GAS2: variants seen among roughly 807,000 people sequenced by gnomAD.
GAS2 encodes the protein growth arrest specific 2, also known as growth arrest-specific protein 2.
Under a neutral mutation model 37.5 loss-of-function variants are expected in GAS2, and 20 were observed. The observed-to-expected ratio is 0.53, with a 90% CI of 0.37 to 0.77. The LOEUF is 0.77. Ranked by LOEUF, GAS2 falls within the 30% of genes least tolerant of loss-of-function variation. GAS2 has a pLI of 0.00. For synonymous variants in GAS2, 144 were observed against 132.2 expected (o/e 1.09, Z -0.61); for missense variants, 336 against 373.4 (o/e 0.90, Z 0.82).
chr11:22,693,974 G>A (rs920208359), intron 3 of GAS2, among the ~76,000 whole-genome samples: 2 of 152,088 alleles, frequency 1.3e-5, no homozygotes, highest in African/African-American at 2.4e-5. Flanking sequence ...AGAACCCATG[G>A]ACACATACAG....
At chr11:22,801,350 A>G (rs1477284262) in intron 7 of GAS2, among the ~76,000 whole-genome samples, 2 of 152,100 alleles carry the variant, frequency 1.3e-5, no homozygotes, top group African/African-American at 2.4e-5. Context: ...TTCTAAGTTA[A>G]CATGGGAAAG....
chr11:22,740,538 A>C (rs1460195832), intron 5 of GAS2, among the ~76,000 whole-genome samples: 10 of 152,212 alleles, frequency 6.6e-5, no homozygotes, highest in Non-Finnish European at 1.5e-4. Flanking sequence ...TAAATAGTTG[A>C]ATACCAGTAG....
At chr11:22,635,958 A>T (rs1361982028) in intron 1 of GAS2, among the ~76,000 whole-genome samples, 1 of 151,660 alleles carries the variant, frequency 6.6e-6, no homozygotes, top group East Asian at 1.9e-4. Context: ...CACCACTCAC[A>T]CTCTGGGGAC....
At chr11:22,672,126 C>T (rs1849230337) in intron 1 of GAS2, among the ~76,000 whole-genome samples, 1 of 152,084 alleles carries the variant, frequency 6.6e-6, no homozygotes, top group Middle Eastern at 3.2e-3. Context: ...ACTTCTATTG[C>T]ATGTTAATTA....
chr11:22,785,815 G>A (rs1855792636), intron 7 of GAS2, among the ~76,000 whole-genome samples: 1 of 151,718 alleles, frequency 6.6e-6, no homozygotes. Flanking sequence ...GACAAAAACT[G>A]TAAACATAGA....
At chr11:22,764,436 T>A (rs1854565638) in intron 7 of GAS2, among the ~76,000 whole-genome samples, 1 of 151,694 alleles carries the variant, frequency 6.6e-6, no homozygotes, top group Non-Finnish European at 1.5e-5. Flanking sequence ...GGCAGGCGAC[T>A]GTAGTCCCCG....
chr11:22,666,768 G>A lies in GAS2; in HGVS notation c.-152G>A, dbSNP rs1848995041. ...CTGTAGCTGCTGCCGCTGCCGCCAG[G>A]CTGGTGGGGTGCGGGGAGCGGCTGC... On this transcript the variant is annotated 5_prime_UTR_variant, in exon 1 of 8. Coordinates refer to ENST00000454584, the MANE Select transcript of GAS2 (RefSeq NM_001143830.3). 6.6e-6 allele frequency: 1 copy of A among 152,600 alleles called. No individual in the cohort carries two copies. The highest frequency in any genetic ancestry group is 6.5e-5 in the Admixed American group (1 of 15,300). The allele number at this position is 152,600 out of a possible 1,614,324, so 9.5% of individuals were successfully genotyped here.
intron 7 of GAS2, among the ~76,000 whole-genome samples, chr11:22,769,745 C>T (rs1263872277): frequency 6.6e-6 from 1 of 152,158 alleles, no homozygotes; most frequent in Non-Finnish European, 1.5e-5. Context: ...AAACTGTCTC[C>T]TTGTGAGTTT....
At chr11:22,699,109 G>A (rs1850695362) in intron 3 of GAS2, among the ~76,000 whole-genome samples, 1 of 152,086 alleles carries the variant, frequency 6.6e-6, no homozygotes. Flanking sequence ...CCACAGTTGT[G>A]TTCCATTATC....
At position 22,749,875 on chromosome 11, in the gene GAS2, C is replaced by T. The variant is rs559270009; in HGVS notation, c.615+614C>T. Among the ~76,000 whole-genome samples the T allele has an allele frequency of 3.5e-3, 527 of 151,966 alleles. 3 individuals are homozygous for T. Among genetic ancestry groups the T allele is most frequent in the African/African-American group, 0.012 (489 of 41,462 alleles). On this transcript the variant is annotated intron_variant, in intron 6 of 7. Transcript: ENST00000454584. ...ATGTTTTAACAGAATCACAGTAAAC[C>T]GTTTTTAGGTATAACAGCAAACATG...
intron 6 of GAS2, among the ~76,000 whole-genome samples, chr11:22,752,994 G>A (rs1853829330): frequency 6.6e-6 from 1 of 152,074 alleles, no homozygotes; most frequent in Non-Finnish European, 1.5e-5. Context: ...GTGGAGTCAG[G>A]TTTAGTTCTC....
At chr11:22,801,223 G>C (rs920134084) in intron 7 of GAS2, among the ~76,000 whole-genome samples, 3 of 151,936 alleles carry the variant, frequency 2.0e-5, no homozygotes, top group Non-Finnish European at 4.4e-5. Context: ...CTGAAATCCT[G>C]TTATCACATA....
At chr11:22,716,981 C>T (rs1022171093) in intron 3 of GAS2, among the ~76,000 whole-genome samples, 4 of 152,098 alleles carry the variant, frequency 2.6e-5, no homozygotes, top group South Asian at 2.1e-4. Context: ...CAAAACACTA[C>T]GGAAAGAAAT....
intron 7 of GAS2, among the ~76,000 whole-genome samples, chr11:22,758,889 G>A (rs551500029): frequency 1.3e-5 from 1 of 76,446 alleles, no homozygotes; most frequent in African/African-American, 4.2e-5. Context: ...CTCCAGCCTG[G>A]ACAACAAGAG....
At chr11:22,709,171 G>A (rs1442244648) in intron 3 of GAS2, among the ~76,000 whole-genome samples, 1 of 151,334 alleles carries the variant, frequency 6.6e-6, no homozygotes, top group African/African-American at 2.4e-5. Flanking sequence ...AATTTGATTA[G>A]ACTGTAGAAC....
intron 1 of GAS2, among the ~76,000 whole-genome samples, chr11:22,668,658 T>C (rs680436): frequency 0.15 from 23,115 of 152,124 alleles, 2,677 homozygotes; most frequent in African/African-American, 0.32. Context: ...TATGGTGAAA[T>C]ACCTGGTCTT....
At chr11:22,741,247 GA>G (rs11363002) in intron 5 of GAS2, among the ~76,000 whole-genome samples, 2,093 of 152,160 alleles carry the variant, frequency 0.014, 57 homozygotes, top group African/African-American at 0.048. Context: ...ACTGAAGAGT[GA>G]AATCCCTCTG....
chr11:22,646,449 T>C (rs1848695074), intron 1 of GAS2, among the ~76,000 whole-genome samples: 1 of 152,236 alleles, frequency 6.6e-6, no homozygotes, highest in South Asian at 2.1e-4. Flanking sequence ...ACTTGAGTTC[T>C]ACCATTCCAA....
In GAS2 at chr11:22,703,881, A is replaced by G. The variant is rs538189576; in HGVS notation, c.267+18092A>G. Reference sequence around the variant, plus strand: ...TTGTGTTTATATTACTGTGCTAGTCATGTCTAATTTCACACCAGTGTAGGC... The same window carrying G: ...TTGTGTTTATATTACTGTGCTAGTCGTGTCTAATTTCACACCAGTGTAGGC... On this transcript the variant is annotated intron_variant, in intron 3 of 7. Transcript: ENST00000454584. Among the ~76,000 whole-genome samples the G allele has an allele frequency of 2.6e-5, 4 of 152,282 alleles. No individual in the cohort carries two copies. In the East Asian group the frequency reaches 5.8e-4, roughly 22 times the overall value.
Sources: allele counts gnomAD v4.1 joint callset (sites outside exome capture counted in the v4.1 genomes callset), GRCh38; gene constraint gnomAD v4.1.1; transcripts MANE v1.5; gene names NCBI Gene and HGNC (gene_info 2026-07-23, HGNC 2026-07-21).